Variants in LTN1 observed in about 807,000 individuals in gnomAD.
The protein encoded by LTN1 is E3 ubiquitin-protein ligase listerin.
Under a neutral mutation model 201.2 loss-of-function variants are expected in LTN1, and 88 were observed. The ratio of observed to expected loss-of-function variants is 0.44; its 90% CI spans 0.37 to 0.52. The LOEUF is 0.52. Ranked by LOEUF, LTN1 falls within the 20% of genes least tolerant of loss-of-function variation. The pLI is 0.00. For missense variants in LTN1, 1,752 were observed against 2,038.7 expected (o/e 0.86, Z 2.71); for synonymous variants, 645 against 713.5 (o/e 0.90, Z 1.53).
chr21:28,932,664 C>A lies in LTN1; in HGVS notation c.4876G>T (p.Val1626Phe). The change falls in exon 28 of 30, where the codon GTT (valine) becomes TTT (phenylalanine). Residue 1626 changes from valine (V) to phenylalanine (F), a missense_variant and splice_region_variant. By Grantham distance (50) the Val-to-Phe change is conservative. Transcript: ENST00000361371. ...TSTQLFNGMT[V>F]KARATTREVM... ...TCTCGAGTAGTAGCTCGAGCTTTAA[C>A]CTGCAATACAACAAAGGATATTTTG... 6.3e-7 allele frequency: 1 copy of A among 1,598,512 alleles called. No individual in the cohort carries two copies. Among genetic ancestry groups the A allele is most frequent in the Non-Finnish European group, 8.5e-7 (1 of 1,171,340 alleles).
At chr21:28,974,377 A>T (rs553739118) in intron 6 of LTN1, among the ~76,000 whole-genome samples, 8 of 152,240 alleles carry the variant, frequency 5.3e-5, no homozygotes, top group Non-Finnish European at 1.0e-4. Flanking sequence ...GATGAGTGAG[A>T]GCCCAATATA....
chr21:28,964,792 C>A, intron 11 of LTN1: 1 of 1,525,524 alleles, frequency 6.6e-7, no homozygotes, highest in South Asian at 1.2e-5. Context: ...ATACATTAGT[C>A]TACTCTTATC....
chr21:28,945,688 TA>T, intron 21 of LTN1, 118 bp downstream of exon 21: 1 of 900,642 alleles, frequency 1.1e-6, no homozygotes, highest in Non-Finnish European at 1.6e-6. Context: ...TAAAGTGTTT[TA>T]AATTATACAA....
intron 25 of LTN1, among the ~76,000 whole-genome samples, chr21:28,938,401 T>G (rs1289646225): frequency 1.3e-5 from 2 of 152,204 alleles, no homozygotes; most frequent in Non-Finnish European, 2.9e-5. Context: ...TGTTAAAAGA[T>G]GTATGTAACT....
In LTN1 at chr21:28,966,737, AGAG is replaced by A. The variant is rs757173286; in HGVS notation, c.1751_1753del (p.Pro584del). ...TAAGTCTTCCAAAGGTTTTTTCCTTAGAGGAGACAAAAGGCCTGAAGAATTATG... is the reference window on the plus strand; with the variant it reads ...TAAGTCTTCCAAAGGTTTTTTCCTTAGAGACAAAAGGCCTGAAGAATTATG... On this transcript the variant is annotated inframe_deletion, in exon 10 of 30. Coordinates refer to ENST00000361371, the MANE Select transcript of LTN1 (RefSeq NM_015565.3). 2 of 1,614,036 alleles carry A rather than the reference AGAG, an allele frequency of 1.2e-6. No individual in the cohort carries two copies. The highest frequency in any genetic ancestry group is 2.2e-5 in the South Asian group (2 of 91,066).
In LTN1 at chr21:28,960,526, C is replaced by T. The variant is rs1239101313; in HGVS notation, c.2344G>A (p.Val782Ile). The T allele has an allele frequency of 1.2e-6, 2 of 1,609,680 alleles. No individual in the cohort carries two copies. The highest frequency in any genetic ancestry group is 1.3e-5 in the African/African-American group (1 of 74,784). The change falls in exon 12 of 30, where the codon GTT (valine) becomes ATT (isoleucine). Residue 782 changes from valine to isoleucine, a missense_variant. Transcript: ENST00000361371. ...TLLSLVLSQH[V>I]KNDYLIGDVY... ...GCCATATTTGTCCTACCATTTTTAACATGTTGGGATAATACCAAGCTTAGA... is the reference window on the plus strand; with the variant it reads ...GCCATATTTGTCCTACCATTTTTAATATGTTGGGATAATACCAAGCTTAGA...
chr21:28,958,404 G>A lies in LTN1; in HGVS notation c.2729C>T (p.Ser910Leu). 1 of 1,603,504 alleles carries A rather than the reference G, an allele frequency of 6.2e-7. No homozygotes were observed. The highest frequency in any genetic ancestry group is 8.5e-7 in the Non-Finnish European group (1 of 1,177,178). ...ALWLKNQVQA[S>L]SLDINSLQVL... ...AGGTTACCTGTTGATATCCAAAGAT[G>A]AAGCCTGAACTTGGTTCTTCAGCCA... is the stretch of plus-strand genomic sequence containing the variant. Residue 910 changes from serine to leucine, a missense_variant, in exon 14 of 30, where the codon TCA (serine) becomes TTA (leucine). Ser to Leu is a moderately radical substitution (Grantham distance 145). This residue lies in a region of LTN1 where 1,211 missense variants were observed against 1,312.8 expected (regional missense o/e 0.92). Transcript: ENST00000361371.
At position 28,971,443 on chromosome 21, in the gene LTN1, A is replaced by C; in HGVS notation, c.812T>G (p.Ile271Ser). The change falls in exon 7 of 30, where the codon ATT (isoleucine) becomes AGT (serine). Residue 271 changes from isoleucine (I) to serine (S), a missense_variant and splice_region_variant. Transcript: ENST00000361371. ...GACTAACTCAAAATAAGCTGAGCGA[A>C]TCTAAAAGAATGCAAAGCTGAATTA... Reference protein sequence around the residue: ...WKYGKHSVPQIRSAYFELVSA... With the variant: ...WKYGKHSVPQSRSAYFELVSA... The C allele has an allele frequency of 6.2e-7, 1 of 1,611,722 alleles. No individual in the cohort carries two copies.
In LTN1 at chr21:28,989,192, C is replaced by T. The variant is rs75172660; in HGVS notation, c.43-2258G>A. Reference sequence around the variant, plus strand: ...AATTTTCTACAATCTCATGTGTAAACGGTTTTATTATGAAACAGAATAAAA... The same window carrying T: ...AATTTTCTACAATCTCATGTGTAAATGGTTTTATTATGAAACAGAATAAAA... On this transcript the variant is annotated intron_variant, in intron 1 of 29. Coordinates refer to ENST00000361371, the MANE Select transcript of LTN1 (RefSeq NM_015565.3). Among the ~76,000 whole-genome samples, 534 of 151,962 alleles carry T rather than the reference C, an allele frequency of 3.5e-3. 6 individuals carry two copies. Among genetic ancestry groups the T allele is most frequent in the African/African-American group, 0.012 (499 of 41,440 alleles).
intron 1 of LTN1, among the ~76,000 whole-genome samples, chr21:28,988,959 C>T (rs1426849577): frequency 6.6e-6 from 1 of 150,420 alleles, no homozygotes; most frequent in Non-Finnish European, 1.5e-5. Context: ...GAGCGAAACT[C>T]CATTTCAAAA....
intron 27 of LTN1, among the ~76,000 whole-genome samples, chr21:28,933,326 C>G (rs1199471756): frequency 6.6e-6 from 1 of 152,150 alleles, no homozygotes; most frequent in East Asian, 1.9e-4. Flanking sequence ...TGCCCTAGTC[C>G]TTTGCTCATG....
chr21:28,943,997 TG>T lies in LTN1; in HGVS notation c.3983-94del. ...AACAATCAAATGTCATTTAAGAAAA[TG>T]AAATAAAAACTAGACATAAACAATA... On this transcript the variant is annotated intron_variant, in intron 22 of 29. Coordinates refer to ENST00000361371, the MANE Select transcript of LTN1 (RefSeq NM_015565.3). 6.8e-6 allele frequency: 4 copies of T among 587,364 alleles called. No individual in the cohort carries two copies. The South Asian group carries it at 7.6e-5, about 11-fold the overall frequency. 36.4% of individuals were successfully genotyped at this position (587,364 alleles called of 1,614,324 possible). A position where few individuals can be genotyped will look rare whatever the true frequency, so the allele number is the denominator to read the frequency against.
chr21:28,968,097 A>G (rs1252416131), intron 9 of LTN1: 1 of 152,216 alleles, frequency 6.6e-6, no homozygotes, highest in Non-Finnish European at 1.5e-5. Context: ...ATATTTAATA[A>G]CTGAAAAACA....
chr21:28,953,139 A>T, intron 17 of LTN1, 78 bp downstream of exon 17: 2 of 957,224 alleles, frequency 2.1e-6, no homozygotes, highest in Non-Finnish European at 3.1e-6. Context: ...AGCATGCAGT[A>T]GGGTTACCTC....
chr21:28,946,081 T>C, intron 20 of LTN1, 71 bp downstream of exon 20: 1 of 1,475,982 alleles, frequency 6.8e-7, no homozygotes, highest in Non-Finnish European at 9.2e-7. Context: ...TCTACAAAAT[T>C]GTGACACAGA....
chr21:28,971,488 T>C (rs747972558), intron 6 of LTN1, 44 bp from the exon 7 acceptor site: 3 of 1,566,524 alleles, frequency 1.9e-6, no homozygotes, highest in Non-Finnish European at 2.6e-6. Flanking sequence ...CTAGTAAAAC[T>C]TGATAAGATT....
intron 6 of LTN1, among the ~76,000 whole-genome samples, chr21:28,974,395 T>A (rs2084598741): frequency 6.6e-6 from 1 of 152,130 alleles, no homozygotes; most frequent in African/African-American, 2.4e-5. Flanking sequence ...ATATCAGTCC[T>A]CCTAAAAAGG....
rs1194808403 is a variant in LTN1 at position 28,946,186 on chromosome 21, T to C, written c.3589A>G (p.Lys1197Glu). 1 of 1,587,512 alleles carries C rather than the reference T, an allele frequency of 6.3e-7. No homozygotes were observed. Among genetic ancestry groups the C allele is most frequent in the Non-Finnish European group, 8.6e-7 (1 of 1,168,132 alleles). The change falls in exon 20 of 30, where the codon AAG (lysine) becomes GAG (glutamate). Residue 1197 changes from lysine (K) to glutamate (E), a missense_variant. Lys to Glu is a moderately conservative substitution (Grantham distance 56, BLOSUM62 1). Transcript: ENST00000361371. ...AGAAAAATATCTTCATGCTCTTTCT[T>C]CCAGGATATTATGATTTTTAATATT... The part of the protein sequence containing the change: ...HGILKIIISW[K>E]KEHEDIFLFS...
In LTN1 at chr21:28,986,583, A is replaced by G; in HGVS notation, c.246+148T>C. ...CGACCTAGAAAATAAATATCAACTA[A>G]GTTTAAGACTCTGTGTCAGAAAAAA... On this transcript the variant is annotated intron_variant, in intron 2 of 29. Coordinates refer to ENST00000361371, the MANE Select transcript of LTN1 (RefSeq NM_015565.3). This position sits in a 1 kb window ranked among gnomAD's most constrained non-coding sequence, Gnocchi z 4.1. 1.5e-6 allele frequency: 1 copy of G among 673,348 alleles called. No individual in the cohort carries two copies. Among genetic ancestry groups the G allele is most frequent in the East Asian group, 2.7e-5 (1 of 36,524 alleles). 41.7% of individuals were successfully genotyped at this position (673,348 alleles called of 1,614,324 possible).
Sources: gnomAD v4.1 joint callset for allele counts (sites outside exome capture counted in the v4.1 genomes callset) on GRCh38, gnomAD v4.1.1 for gene constraint, gnomAD v4.1.1 regional missense constraint, Gnocchi (gnomAD v3.1) non-coding constraint, MANE v1.5 for transcripts, NCBI Gene and HGNC (gene_info 2026-07-23, HGNC 2026-07-21) for gene names.